HEATR5B: variants seen among roughly 807,000 people sequenced by gnomAD.
The protein encoded by HEATR5B is HEAT repeat containing 5B.
Under a neutral mutation model 224.1 loss-of-function variants are expected in HEATR5B, and 156 were observed. That is an observed-to-expected ratio of 0.70 (90% CI 0.61 to 0.80). The LOEUF (loss-of-function observed/expected upper bound fraction) is 0.80, where lower values mean the gene tolerates loss of function less well. Ranked by LOEUF, HEATR5B falls within the 30% of genes least tolerant of loss-of-function variation. HEATR5B has a pLI of 0.00. For synonymous variants in HEATR5B, 1,027 were observed against 893.0 expected (o/e 1.15, Z -2.68); for missense variants, 2,323 against 2,535.5 (o/e 0.92, Z 1.80).
Position 37,002,435 on chromosome 2 carries a change from G to A in HEATR5B, c.5188C>T (p.Leu1730Phe), listed in dbSNP as rs144471920. Residue 1730 changes from leucine (L) to phenylalanine (F), a missense_variant, in exon 32 of 36, where the codon CTC (leucine) becomes TTC (phenylalanine). Physicochemically the swap from Leu to Phe is conservative, Grantham distance 22 (BLOSUM62 0). Coordinates refer to ENST00000233099, the MANE Select transcript of HEATR5B (RefSeq NM_019024.3). ...MFILVRHMPHLSTKVSDSPSH... is the reference protein window; with the variant it reads ...MFILVRHMPHFSTKVSDSPSH... The stretch of plus-strand genomic sequence containing the variant: ...GGAGAGTCTGACACCTTGGTACTGA[G>A]ATGTGGCATATGCCGTACTAAAATG... 5.0e-6 allele frequency: 8 copies of A among 1,614,100 alleles called. No homozygotes were observed. The highest frequency in any genetic ancestry group is 6.8e-6 in the Non-Finnish European group (8 of 1,180,052).
chr2:37,039,121 G>A (rs555119925), intron 20 of HEATR5B, among the ~76,000 whole-genome samples: 1 of 149,686 alleles, frequency 6.7e-6, no homozygotes, highest in Non-Finnish European at 1.5e-5. Context: ...GAGGCCAGCA[G>A]TTTGAGACCA....
At chr2:37,003,481 T>C (rs1667220094) in intron 31 of HEATR5B, 61 bp downstream of exon 31, 2 of 1,227,018 alleles carry the variant, frequency 1.6e-6, no homozygotes, top group Admixed American at 2.2e-5. Flanking sequence ...GGCGTTAATA[T>C]TTTAAAAATT....
rs753873678 is a variant in HEATR5B, at chr2:37,041,258, CA to C, written c.2730del (p.Gly911ValfsTer16). Reference protein sequence around the residue: ...LKSARDVVSRTGHSLALGCLH... With the variant: ...LKSARDVVSRXGHSLALGCLH... Reference sequence around the variant, plus strand: ...AAACAACCAAGAGCCAATGAATGACCAGTCCTAGATACAACATCTCGAGCCG... The same window carrying C: ...AAACAACCAAGAGCCAATGAATGACCGTCCTAGATACAACATCTCGAGCCG... On this transcript the variant is annotated frameshift_variant, in exon 19 of 36. Coordinates refer to ENST00000233099, the MANE Select transcript of HEATR5B (RefSeq NM_019024.3). LOFTEE classifies it high-confidence loss of function. The C allele has an allele frequency of 6.2e-7, 1 of 1,614,050 alleles. No homozygotes were observed. Among genetic ancestry groups the C allele is most frequent in the Admixed American group, 1.7e-5 (1 of 60,004 alleles).
At chr2:37,065,124 A>G in intron 9 of HEATR5B, 134 bp from the exon 10 acceptor site, 1 of 780,266 alleles carries the variant, frequency 1.3e-6, no homozygotes, top group South Asian at 1.8e-5. Flanking sequence ...AACTTTGCCT[A>G]AAACTACATA....
At chr2:37,004,819 C>T (rs1667308569) in intron 30 of HEATR5B, among the ~76,000 whole-genome samples, 1 of 152,022 alleles carries the variant, frequency 6.6e-6, no homozygotes, top group African/African-American at 2.4e-5. Context: ...CTCAAGCTTC[C>T]AATCTTGGTC....
At chr2:36,999,887 C>T (rs1325943135) in intron 33 of HEATR5B, among the ~76,000 whole-genome samples, 5 of 151,428 alleles carry the variant, frequency 3.3e-5, no homozygotes, top group African/African-American at 1.2e-4. Context: ...TGGCAGGCAT[C>T]TGTAATCCCA....
chr2:37,051,632 C>G (rs1038206028), intron 17 of HEATR5B, among the ~76,000 whole-genome samples: 1 of 152,188 alleles, frequency 6.6e-6, no homozygotes, highest in African/African-American at 2.4e-5. Context: ...GAGACCACGA[C>G]CACCCCACTC....
intron 26 of HEATR5B, among the ~76,000 whole-genome samples, chr2:37,016,039 G>A (rs1668091698): frequency 6.6e-6 from 1 of 151,718 alleles, no homozygotes; most frequent in Non-Finnish European, 1.5e-5. Flanking sequence ...ATGGAGCCAA[G>A]GGAAGAGTTT....
chr2:37,025,045 G>A (rs1239130032), intron 24 of HEATR5B, among the ~76,000 whole-genome samples: 1 of 152,198 alleles, frequency 6.6e-6, no homozygotes, highest in Non-Finnish European at 1.5e-5. Context: ...AAGCATAGGA[G>A]ATAGGAAGAT....
chr2:36,992,431 A>G lies in HEATR5B; in HGVS notation c.5546-1632T>C, dbSNP rs538422383. ...CCCTGTCTCTACAAAAAACAAAAAA[A>G]TTAGCCAGGCTTGGTGGTGCATGCC... is the stretch of plus-strand genomic sequence containing the variant. On this transcript the variant is annotated intron_variant, in intron 33 of 35. Coordinates refer to ENST00000233099, the MANE Select transcript of HEATR5B (RefSeq NM_019024.3). Among the ~76,000 whole-genome samples, 3 of 152,130 alleles carry G rather than the reference A, an allele frequency of 2.0e-5. No homozygotes were observed. In the South Asian group the frequency reaches 6.2e-4, roughly 32 times the overall value.
chr2:37,041,589 T>C (rs1012919856), intron 18 of HEATR5B, among the ~76,000 whole-genome samples: 2 of 151,930 alleles, frequency 1.3e-5, no homozygotes, highest in African/African-American at 4.8e-5. Flanking sequence ...CTAAAAAAAA[T>C]TAAAAACTTA....
At chr2:36,982,863 T>TACACACACACACACACACACACACACAC (rs3836070) in intron 35 of HEATR5B, among the ~76,000 whole-genome samples, 4 of 126,002 alleles carry the variant, frequency 3.2e-5, no homozygotes, top group Non-Finnish European at 5.1e-5. Context: ...CAGACACAGA[T>TACACACACACACACACACACACACACAC]ACACACACAC....
intron 18 of HEATR5B, among the ~76,000 whole-genome samples, chr2:37,046,881 C>G (rs1454207741): frequency 6.6e-6 from 1 of 151,214 alleles, no homozygotes; most frequent in East Asian, 2.0e-4. Flanking sequence ...GAAACGTTGT[C>G]TCTACTAAAA....
In HEATR5B at chr2:37,037,984, C is replaced by T. The variant is rs764370516; in HGVS notation, c.3087G>A (p.Leu1029=). ...ATTSTIRSSC[L]VGCAITQDHS... is the part of the protein sequence containing the mutation. ...GGTCTTGTGTTATTGCACAACCCACCAAACAAGAGGAACGAATTGTAGAAG... is the reference window on the plus strand; with the variant it reads ...GGTCTTGTGTTATTGCACAACCCACTAAACAAGAGGAACGAATTGTAGAAG... The change falls in exon 21 of 36, where the codon TTG becomes TTA. Residue 1029 remains leucine, a synonymous_variant. Transcript: ENST00000233099. 3.2e-6 allele frequency: 5 copies of T among 1,584,146 alleles called. No individual in the cohort carries two copies. Among genetic ancestry groups the T allele is most frequent in the Admixed American group, 3.4e-5 (2 of 58,440 alleles).
At chr2:37,062,479 A>C (rs1181984021) in intron 10 of HEATR5B, among the ~76,000 whole-genome samples, 2 of 152,182 alleles carry the variant, frequency 1.3e-5, no homozygotes, top group African/African-American at 2.4e-5. Context: ...TTTTTGAAAG[A>C]GGCAACATCA....
At chr2:37,014,861 T>C (rs1221163056) in intron 26 of HEATR5B, among the ~76,000 whole-genome samples, 1 of 151,898 alleles carries the variant, frequency 6.6e-6, no homozygotes, top group African/African-American at 2.4e-5. Flanking sequence ...CGTGTGTCTG[T>C]AATCCCAGCT....
At chr2:36,994,710 A>ACC (rs967571875) in intron 33 of HEATR5B, among the ~76,000 whole-genome samples, 2 of 152,046 alleles carry the variant, frequency 1.3e-5, no homozygotes, top group Non-Finnish European at 2.9e-5. Context: ...TTGACTCTAG[A>ACC]CCCCCTCAAC....
chr2:37,032,422 T>C (rs1264080174), intron 22 of HEATR5B, among the ~76,000 whole-genome samples: 1 of 152,114 alleles, frequency 6.6e-6, no homozygotes, highest in Non-Finnish European at 1.5e-5. Flanking sequence ...CACAACACTA[T>C]GCCCAACTTG....
intron 35 of HEATR5B, among the ~76,000 whole-genome samples, chr2:36,986,300 T>C (rs1023651244): frequency 1.3e-5 from 2 of 152,242 alleles, no homozygotes; most frequent in African/African-American, 4.8e-5. Flanking sequence ...CACTGCCTTT[T>C]CTGACTTTCC....
Sources: allele counts gnomAD v4.1 joint callset (sites outside exome capture counted in the v4.1 genomes callset), GRCh38; gene constraint gnomAD v4.1.1; transcripts MANE v1.5; gene names NCBI Gene and HGNC (gene_info 2026-07-23, HGNC 2026-07-21).